GALNT13: variants seen among roughly 807,000 people sequenced by gnomAD.
The protein encoded by GALNT13 is polypeptide N-acetylgalactosaminyltransferase 13.
A neutral mutation model predicts 64.2 loss-of-function variants in GALNT13; 28 were observed. The ratio of observed to expected loss-of-function variants is 0.44; its 90% CI spans 0.32 to 0.60. GALNT13 has a LOEUF of 0.60. GALNT13 is among the 20% of genes least tolerant of loss of function. GALNT13 has a pLI of 0.05. For synonymous variants in GALNT13, 214 were observed against 224.6 expected (o/e 0.95, Z 0.42); for missense variants, 577 against 669.8 (o/e 0.86, Z 1.53).
chr2:153,128,706 AAAGACATACCC>A, the GALNT13 span, among the ~76,000 whole-genome samples: 1 of 152,222 alleles, frequency 6.6e-6, no homozygotes, highest in Non-Finnish European at 1.5e-5. Context: ...TGCTGCTGAT[AAAGACATACCC>A]AAGTCTGGGC....
the GALNT13 span, among the ~76,000 whole-genome samples, chr2:153,495,793 G>A: frequency 6.6e-6 from 1 of 152,120 alleles, no homozygotes; most frequent in Non-Finnish European, 1.5e-5. Context: ...TGACACTTTT[G>A]TTTTCTGTCT....
At chr2:153,430,632 C>T in the GALNT13 span, among the ~76,000 whole-genome samples, 1 of 149,428 alleles carries the variant, frequency 6.7e-6, no homozygotes, top group Admixed American at 6.8e-5. Flanking sequence ...GGATGCTCTG[C>T]CATGACAGTT....
chr2:154,133,615 C>T (rs1172662632), intron 3 of GALNT13, among the ~76,000 whole-genome samples: 3 of 132,378 alleles, frequency 2.3e-5, no homozygotes, highest in East Asian at 5.2e-4. Flanking sequence ...CGTTAAAAAC[C>T]TCTATTCTAA....
At chr2:153,124,376 T>C in the GALNT13 span, among the ~76,000 whole-genome samples, 1 of 152,252 alleles carries the variant, frequency 6.6e-6, no homozygotes, top group Non-Finnish European at 1.5e-5. Context: ...AGGTAATTTA[T>C]TATGCAGCAA....
the GALNT13 span, among the ~76,000 whole-genome samples, chr2:153,751,526 T>C: frequency 1.3e-5 from 2 of 151,930 alleles, no homozygotes; most frequent in African/African-American, 4.8e-5. Context: ...TGGGTGCATA[T>C]GTATTAAAAA....
intron 4 of GALNT13, among the ~76,000 whole-genome samples, chr2:154,208,558 C>A (rs540553977): frequency 1.2e-4 from 18 of 151,008 alleles, no homozygotes; most frequent in Admixed American, 8.0e-4. Context: ...CAACAGAGAT[C>A]TGTTTGACCC....
At chr2:153,303,514 T>A in the GALNT13 span, among the ~76,000 whole-genome samples, 5 of 152,336 alleles carry the variant, frequency 3.3e-5, no homozygotes, top group East Asian at 1.9e-4. Flanking sequence ...GACAGTCAAC[T>A]ATTTTGCAAT....
chr2:153,132,791 C>A, the GALNT13 span, among the ~76,000 whole-genome samples: 3 of 152,104 alleles, frequency 2.0e-5, no homozygotes, highest in Non-Finnish European at 4.4e-5. Context: ...GTGAACATGG[C>A]TTACTGTAGC....
chr2:154,102,591 G>A (rs541838339), intron 3 of GALNT13, among the ~76,000 whole-genome samples: 1 of 152,026 alleles, frequency 6.6e-6, no homozygotes, highest in Admixed American at 6.6e-5. Context: ...CTGGTGATGG[G>A]TGCACCAAAA....
At chr2:153,276,737 T>TA in the GALNT13 span, among the ~76,000 whole-genome samples, 6 of 152,164 alleles carry the variant, frequency 3.9e-5, no homozygotes, top group African/African-American at 1.4e-4. Context: ...TGCCTATTTT[T>TA]ATCCGTCTTC....
Position 154,362,473 on chromosome 2 carries a change from G to A in GALNT13, c.1157-33518G>A, listed in dbSNP as rs1036231241. On this transcript the variant is annotated intron_variant, in intron 9 of 12. Transcript: ENST00000392825. ...TTCTCTCGGAGAATGTTTAGCATAT[G>A]AGCAAGCCAGTTTAAACTATTGGTG... Among the ~76,000 whole-genome samples, 7 of 151,740 alleles carry A rather than the reference G, an allele frequency of 4.6e-5. No homozygotes were observed. In the South Asian group the frequency reaches 6.2e-4, roughly 14 times the overall value.
the GALNT13 span, among the ~76,000 whole-genome samples, chr2:153,448,403 C>A: frequency 2.6e-5 from 4 of 152,166 alleles, no homozygotes; most frequent in South Asian, 8.3e-4. Context: ...CTCAAGCAGA[C>A]AAATCTTTGT....
chr2:153,783,647 T>C, the GALNT13 span, among the ~76,000 whole-genome samples: 1 of 152,054 alleles, frequency 6.6e-6, no homozygotes, highest in Non-Finnish European at 1.5e-5. Flanking sequence ...ATAATCCCCA[T>C]GTGTCAAGGG....
At chr2:153,676,899 A>G in the GALNT13 span, among the ~76,000 whole-genome samples, 17 of 152,236 alleles carry the variant, frequency 1.1e-4, no homozygotes, top group African/African-American at 3.4e-4. Flanking sequence ...AAAACCATCT[A>G]CGAAAAAAAC....
intron 4 of GALNT13, among the ~76,000 whole-genome samples, chr2:154,145,070 C>CTCTCTCTCTCTA (rs1197890145): frequency 5.9e-5 from 8 of 136,234 alleles, no homozygotes; most frequent in Non-Finnish European, 1.1e-4. Flanking sequence ...CTCTCTCTCT[C>CTCTCTCTCTCTA]TCTATCTATC....
chr2:153,756,969 A>G, the GALNT13 span, among the ~76,000 whole-genome samples: 1 of 152,010 alleles, frequency 6.6e-6, no homozygotes, highest in Non-Finnish European at 1.5e-5. Context: ...CCTTTTTTAG[A>G]CAGTATTTTT....
chr2:154,064,069 G>A (rs1700332364), intron 3 of GALNT13, among the ~76,000 whole-genome samples: 1 of 152,172 alleles, frequency 6.6e-6, no homozygotes, highest in South Asian at 2.1e-4. Flanking sequence ...CTGTGTGCTT[G>A]CAGGATGGAG....
intron 9 of GALNT13, among the ~76,000 whole-genome samples, chr2:154,358,402 C>T (rs557211626): frequency 3.4e-4 from 52 of 152,098 alleles, no homozygotes; most frequent in East Asian, 1.7e-3. Context: ...TAAACATCAA[C>T]GAACAGAAAT....
the GALNT13 span, among the ~76,000 whole-genome samples, chr2:153,801,089 A>G: frequency 6.6e-6 from 1 of 152,114 alleles, no homozygotes; most frequent in Non-Finnish European, 1.5e-5. Context: ...AGAATTAAAG[A>G]GAGTTAGGGC....
Sources: allele counts gnomAD v4.1 joint callset (sites outside exome capture counted in the v4.1 genomes callset), GRCh38; gene constraint gnomAD v4.1.1; transcripts MANE v1.5; gene names NCBI Gene and HGNC (gene_info 2026-07-23, HGNC 2026-07-21).